Variants in DDX23 observed in about 807,000 individuals in gnomAD.
DDX23 encodes the protein probable ATP-dependent RNA helicase DDX23.
A neutral mutation model predicts 102.7 loss-of-function variants in DDX23; 33 were observed. The observed-to-expected ratio is 0.32, with a 90% CI of 0.24 to 0.43. DDX23 has a LOEUF of 0.43. Ranked by LOEUF, DDX23 falls within the 20% of genes least tolerant of loss-of-function variation. The pLI is 1.00. For synonymous variants in DDX23, 352 were observed against 376.0 expected, an observed-to-expected ratio of 0.94 and a Z score of 0.74; for missense variants, 549 against 1,086.6, an observed-to-expected ratio of 0.51 and a Z score of 6.96.
At chr12:48,841,299 T>C (rs927002610) in intron 3 of DDX23, among the ~76,000 whole-genome samples, 2 of 152,060 alleles carry the variant, frequency 1.3e-5, no homozygotes, top group Admixed American at 6.5e-5. Flanking sequence ...GGCAGGAAAA[T>C]TGCCTGAACC....
Position 48,832,033 on chromosome 12 carries a change from G to C in DDX23, c.2064+45C>G. The C allele has an allele frequency of 1.3e-6, 2 of 1,570,676 alleles. No individual in the cohort carries two copies. The highest frequency in any genetic ancestry group is 1.8e-6 in the Non-Finnish European group (2 of 1,141,788). On this transcript the variant is annotated intron_variant, in intron 15 of 16. Coordinates refer to ENST00000308025, the MANE Select transcript of DDX23 (RefSeq NM_004818.3). The surrounding 1 kb of genome is among the most constrained non-coding windows in gnomAD (Gnocchi z 4.4). Reference sequence around the variant, plus strand: ...TAGGGGGCCCTGCTAGATTCAGAAAGCAGTGCCACAGAGGCTAGACTTTGT... The same window carrying C: ...TAGGGGGCCCTGCTAGATTCAGAAACCAGTGCCACAGAGGCTAGACTTTGT...
At chr12:48,831,081 G>A (rs1287503819) in intron 16 of DDX23, 61 bp downstream of exon 16, 3 of 1,589,114 alleles carry the variant, frequency 1.9e-6, no homozygotes, top group Non-Finnish European at 2.6e-6. Context: ...CTGACTTCCA[G>A]TGGGACACCA....
chr12:48,848,129 C>G (rs957315220), intron 1 of DDX23, among the ~76,000 whole-genome samples: 1 of 151,818 alleles, frequency 6.6e-6, no homozygotes, highest in African/African-American at 2.4e-5. Context: ...ACTAAAAATA[C>G]AAAAAAATTA....
At position 48,845,703 on chromosome 12, in the gene DDX23, T is replaced by C. The variant is rs940141004; in HGVS notation, c.80A>G (p.Asp27Gly). The change falls in exon 2 of 17, where the codon GAC becomes GGC. Residue 27 changes from aspartate (D) to glycine (G), a missense_variant. By Grantham distance (94) the Asp-to-Gly change is moderately conservative. This residue lies in a region of DDX23 where 241 missense variants were observed against 267.0 expected (regional missense o/e 0.90). Coordinates refer to ENST00000308025, the MANE Select transcript of DDX23 (RefSeq NM_004818.3). ...GTCCCGGTCTCTATCCCGCTCTCTG[T>C]CAGGAGTCCGTGATCGCTTCCTTTC... Reference protein sequence around the residue: ...KEERKRSRTPDRERDRDRDRK... With the variant: ...KEERKRSRTPGRERDRDRDRK... The C allele has an allele frequency of 2.5e-6, 4 of 1,614,246 alleles. No homozygotes were observed. The highest frequency in any genetic ancestry group is 3.4e-6 in the Non-Finnish European group (4 of 1,180,042).
In DDX23 at chr12:48,830,213, C is replaced by G; in HGVS notation, c.*256G>C. On this transcript the variant is annotated 3_prime_UTR_variant, in exon 17 of 17. Transcript: ENST00000308025. This position sits in a 1 kb window ranked among gnomAD's most constrained non-coding sequence, Gnocchi z 4.9. ...GCATGAGCTGATGGCCCAGTGCAAT[C>G]CCAAAGCAAAGAAGGGCAGAACTGG... The G allele has an allele frequency of 1.6e-6, 1 of 616,758 alleles. No individual in the cohort carries two copies. Among genetic ancestry groups the G allele is most frequent in the South Asian group, 1.5e-5 (1 of 66,040 alleles). 38.2% of individuals were successfully genotyped at this position (616,758 alleles called of 1,614,324 possible).
chr12:48,830,671 C>A lies in DDX23; in HGVS notation c.2261G>T (p.Arg754Leu). 1 of 1,611,018 alleles carries A rather than the reference C, an allele frequency of 6.2e-7. No homozygotes were observed. ...CCCACTCTTGCCTGCTCGTCCCGTG[C>A]GGCCAATGCGGTGGATGTAATCTGG... Reference protein sequence around the residue: ...NIEDYIHRIGRTGRAGKSGVA... With the variant: ...NIEDYIHRIGLTGRAGKSGVA... Residue 754 changes from arginine to leucine, a missense_variant, in exon 17 of 17, where the codon CGC becomes CTC. Arg to Leu is a moderately radical substitution (Grantham distance 102). Coordinates refer to ENST00000308025, the MANE Select transcript of DDX23 (RefSeq NM_004818.3). This position sits in a 1 kb window ranked among gnomAD's most constrained non-coding sequence, Gnocchi z 4.9.
At chr12:48,834,219 T>A (rs1242411251) in intron 12 of DDX23, 101 bp downstream of exon 12, 1 of 1,150,942 alleles carries the variant, frequency 8.7e-7, no homozygotes, top group African/African-American at 1.6e-5. Context: ...ATAAACCAGC[T>A]CCTTTCTTCA....
At chr12:48,843,092 G>A (rs536943837) in intron 3 of DDX23, among the ~76,000 whole-genome samples, 99 of 149,978 alleles carry the variant, frequency 6.6e-4, no homozygotes, top group African/African-American at 2.4e-3. Flanking sequence ...ACAGATGCTT[G>A]AAGGCAGCAT....
chr12:48,842,304 C>G, intron 3 of DDX23, among the ~76,000 whole-genome samples: 1 of 143,400 alleles, frequency 7.0e-6, no homozygotes, highest in African/African-American at 2.6e-5. Context: ...GCCAGCCGCC[C>G]TGTCCGGGAG....
chr12:48,835,727 CA>C (rs1255375214), intron 11 of DDX23, among the ~76,000 whole-genome samples: 1 of 151,316 alleles, frequency 6.6e-6, no homozygotes, highest in East Asian at 1.9e-4. Context: ...CAAAACAAAA[CA>C]AAAAACCAAA....
Position 48,836,444 on chromosome 12 carries a change from A to C in DDX23, c.1236+125T>G, listed in dbSNP as rs974207326. The C allele has an allele frequency of 8.0e-7, 1 of 1,250,958 alleles. No individual in the cohort carries two copies. Among genetic ancestry groups the C allele is most frequent in the Non-Finnish European group, 1.1e-6 (1 of 886,968 alleles). 77.5% of individuals were successfully genotyped at this position (1,250,958 alleles called of 1,614,324 possible). A position where few individuals can be genotyped will look rare whatever the true frequency, so the allele number is the denominator to read the frequency against. ...AAGCCAACACTTCTACCAGAAAGTG[A>C]CAGAAAAGGTCACATTGGTGCCCAC... On this transcript the variant is annotated intron_variant, in intron 10 of 16. Coordinates refer to ENST00000308025, the MANE Select transcript of DDX23 (RefSeq NM_004818.3). This position sits in a 1 kb window ranked among gnomAD's most constrained non-coding sequence, Gnocchi z 6.1.
At chr12:48,842,119 G>A (rs1441584964) in intron 3 of DDX23, among the ~76,000 whole-genome samples, 3 of 151,702 alleles carry the variant, frequency 2.0e-5, no homozygotes, top group East Asian at 2.0e-4. Context: ...CAGCCACCCC[G>A]TCTGGGAAGT....
At position 48,832,534 on chromosome 12, in the gene DDX23, G is replaced by C; in HGVS notation, c.1843C>G (p.Arg615Gly). 1 of 1,614,136 alleles carries C rather than the reference G, an allele frequency of 6.2e-7. No homozygotes were observed. Among genetic ancestry groups the C allele is most frequent in the Non-Finnish European group, 8.5e-7 (1 of 1,180,028 alleles). Residue 615 changes from arginine to glycine, a missense_variant, in exon 14 of 17, where the codon CGT (arginine) becomes GGT (glycine). Transcript: ENST00000308025. The surrounding 1 kb of genome is among the most constrained non-coding windows in gnomAD (Gnocchi z 4.4). ...FTATMPPAVERLARSYLRRPA... is the reference protein window; with the variant it reads ...FTATMPPAVEGLARSYLRRPA... ...CGCCGAAGATAGCTCCTGGCCAGAC[G>C]CTCCACCGCTGGGGGCATGGTGGCC...
Position 48,832,987 on chromosome 12 carries a change from T to C in DDX23, c.1803+290A>G, listed in dbSNP as rs1938414043. ...GGAGGTTGGCAACCTTGTACAACTT[T>C]TCTTTTTTTTTGAGACAGGGCCTCA... On this transcript the variant is annotated intron_variant, in intron 13 of 16. Transcript: ENST00000308025. The surrounding 1 kb of genome is among the most constrained non-coding windows in gnomAD (Gnocchi z 4.4). 1 of 475,100 alleles carries C rather than the reference T, an allele frequency of 2.1e-6. No individual in the cohort carries two copies. Among genetic ancestry groups the C allele is most frequent in the South Asian group, 2.3e-5 (1 of 43,108 alleles). 29.4% of individuals were successfully genotyped at this position (475,100 alleles called of 1,614,324 possible). A position where few individuals can be genotyped will look rare whatever the true frequency, so the allele number is the denominator to read the frequency against.
chr12:48,837,487 TG>T, intron 7 of DDX23, 36 bp downstream of exon 7: 1 of 1,613,518 alleles, frequency 6.2e-7, no homozygotes, highest in Non-Finnish European at 8.5e-7. Flanking sequence ...CTCATTTTTG[TG>T]TGGGAGAGAA....
chr12:48,836,902 C>T lies in DDX23; in HGVS notation c.1002G>A (p.Glu334=). The T allele has an allele frequency of 6.2e-7, 1 of 1,613,872 alleles. No individual in the cohort carries two copies. Among genetic ancestry groups the T allele is most frequent in the South Asian group, 1.1e-5 (1 of 91,086 alleles). ...TAGCCTTGATCACTCACTCCTCCTGCTCCTTTTCTTCCAGGGTTCGCCTCT... is the reference window on the plus strand; with the variant it reads ...TAGCCTTGATCACTCACTCCTCCTGTTCCTTTTCTTCCAGGGTTCGCCTCT... ...MEKRRTLEEK[E]QEEARLRKLR... Residue 334 remains glutamate (E), a synonymous_variant, in exon 9 of 17, where the codon GAG becomes GAA. Coordinates refer to ENST00000308025, the MANE Select transcript of DDX23 (RefSeq NM_004818.3). The surrounding 1 kb of genome is among the most constrained non-coding windows in gnomAD (Gnocchi z 6.1).
rs1938622047 is a variant in DDX23 at position 48,844,118 on chromosome 12, G to A, written c.210-68C>T. 8 of 1,435,952 alleles carry A rather than the reference G, an allele frequency of 5.6e-6. No individual in the cohort carries two copies. The South Asian group carries it at 9.1e-5, about 16-fold the overall frequency. The allele number at this position is 1,435,952 out of a possible 1,614,324, so 89.0% of individuals were successfully genotyped here. On this transcript the variant is annotated intron_variant, in intron 2 of 16. Coordinates refer to ENST00000308025, the MANE Select transcript of DDX23 (RefSeq NM_004818.3). ...GTATCTTGCTTCACTGCAGCCCTGA[G>A]AAAGTTCCTATACTCTCGTCCCAAA... is the stretch of plus-strand genomic sequence containing the variant.
chr12:48,846,464 A>G (rs1247826666), intron 1 of DDX23, among the ~76,000 whole-genome samples: 1 of 152,218 alleles, frequency 6.6e-6, no homozygotes, highest in Non-Finnish European at 1.5e-5. Context: ...TACGTCTGAG[A>G]GAGATAAATT....
Position 48,844,026 on chromosome 12 carries a change from T to G in DDX23, c.234A>C (p.Glu78Asp), listed in dbSNP as rs778303726. 13 of 1,614,106 alleles carry G rather than the reference T, an allele frequency of 8.1e-6. No homozygotes were observed. The highest frequency in any genetic ancestry group is 6.6e-5 in the South Asian group (6 of 91,090). ...AERERRHKERERDKERDRNKK... is the reference protein window; with the variant it reads ...AERERRHKERDRDKERDRNKK... The stretch of plus-strand genomic sequence containing the variant: ...TATTCCGATCCCGCTCCTTATCTCG[T>G]TCTCGTTCTTTGTGCCGTCGTTCTC... Residue 78 changes from glutamate (E) to aspartate (D), a missense_variant, in exon 3 of 17, where the codon GAA (glutamate) becomes GAC (aspartate). Around this residue, in one of 4 missense-constraint regions of DDX23, gnomAD observed 241 missense variants for 267.0 expected, o/e 0.90. Transcript: ENST00000308025.
Sources: allele counts gnomAD v4.1 joint callset (sites outside exome capture counted in the v4.1 genomes callset), GRCh38; gene constraint gnomAD v4.1.1; regional missense constraint gnomAD v4.1.1; non-coding constraint Gnocchi (gnomAD v3.1); transcripts MANE v1.5; gene names NCBI Gene and HGNC (gene_info 2026-07-23, HGNC 2026-07-21).